FBXL18: variants seen among roughly 807,000 people sequenced by gnomAD.
FBXL18 encodes the protein F-box/LRR-repeat protein 18.
Under a neutral mutation model 46.0 loss-of-function variants are expected in FBXL18, and 36 were observed. The ratio of observed to expected loss-of-function variants is 0.78; its 90% CI spans 0.60 to 1.03. FBXL18 has a LOEUF of 1.03. Ranked by LOEUF, FBXL18 falls within the 50% of genes least tolerant of loss-of-function variation. The probability of loss-of-function intolerance (pLI) is 0.00; values close to 1 mark genes in which losing one functional copy is unlikely to be tolerated. For missense variants in FBXL18, 977 were observed against 1,004.1 expected (o/e 0.97, Z 0.36); for synonymous variants, 557 against 465.3 (o/e 1.20, Z -2.54).
At chr7:5,499,652 A>C (rs1784177120) in intron 3 of FBXL18, among the ~76,000 whole-genome samples, 1 of 150,028 alleles carries the variant, frequency 6.7e-6, no homozygotes, top group Non-Finnish European at 1.5e-5. Context: ...AATCGCTTGA[A>C]CCCAGGAGGC....
At chr7:5,499,437 C>CT (rs1784171020) in intron 3 of FBXL18, among the ~76,000 whole-genome samples, 2 of 152,258 alleles carry the variant, frequency 1.3e-5, no homozygotes, top group African/African-American at 4.8e-5. Context: ...ACCCAGAAAG[C>CT]ATCTGCCTTG....
intron 3 of FBXL18, among the ~76,000 whole-genome samples, chr7:5,494,465 TAATAA>T (rs1181062919): frequency 1.3e-4 from 20 of 152,044 alleles, no homozygotes; most frequent in African/African-American, 4.6e-4. Context: ...ATTAAATAAA[TAATAA>T]AATAAAACAT....
At position 5,505,523 on chromosome 7, in the gene FBXL18, G is replaced by GT. The variant is rs1562705637; in HGVS notation, c.125dup (p.His42GlnfsTer24). On this transcript the variant is annotated frameshift_variant, in exon 2 of 5. Transcript: ENST00000382368. LOFTEE classifies it high-confidence loss of function. ...TCAGAATCAGATCTGTGCTGGGGAC[G>GT]TGACTCAGGATGTGAAGGAGGATCT... 6.2e-7 allele frequency: 1 copy of GT among 1,614,178 alleles called. No homozygotes were observed. Among genetic ancestry groups the GT allele is most frequent in the Admixed American group, 1.7e-5 (1 of 60,008 alleles).
At chr7:5,500,396 A>G (rs1264717562) in intron 3 of FBXL18, 92 bp downstream of exon 3, 6 of 1,217,386 alleles carry the variant, frequency 4.9e-6, no homozygotes, top group Non-Finnish European at 6.9e-6. Context: ...GCACTCCTGG[A>G]GGGCAGGCCA....
intron 3 of FBXL18, among the ~76,000 whole-genome samples, chr7:5,492,060 C>A (rs1027012354): frequency 1.3e-5 from 2 of 150,406 alleles, no homozygotes; most frequent in Admixed American, 1.3e-4. Flanking sequence ...AGGAGGAGGC[C>A]GAGGGGAGTG....
rs749040715 is a variant in FBXL18 at position 5,500,965 on chromosome 7, G to A, written c.1304C>T (p.Ala435Val). ...VADSAPRADRAPAQPAMHAVP... is the reference protein window; with the variant it reads ...VADSAPRADRVPAQPAMHAVP... ...TGCGTGCATGGCCGGCTGGGCGGGC[G>A]CGCGGTCGGCGCGCGGCGCGGAGTC... The change falls in exon 3 of 5, where the codon GCG (alanine) becomes GTG (valine). Residue 435 changes from alanine to valine, a missense_variant. Coordinates refer to ENST00000382368, the MANE Select transcript of FBXL18 (RefSeq NM_024963.6). 25 of 1,533,756 alleles carry A rather than the reference G, an allele frequency of 1.6e-5. No individual in the cohort carries two copies. The highest frequency in any genetic ancestry group is 9.1e-5 in the East Asian group (4 of 43,748).
intron 4 of FBXL18, among the ~76,000 whole-genome samples, chr7:5,485,209 G>A (rs1783742549): frequency 6.6e-6 from 1 of 152,166 alleles, no homozygotes; most frequent in Non-Finnish European, 1.5e-5. Flanking sequence ...GATGTCCCTG[G>A]GTGATGTGAG....
intron 3 of FBXL18, among the ~76,000 whole-genome samples, chr7:5,494,819 C>T (rs754070752): frequency 4.6e-5 from 7 of 152,216 alleles, no homozygotes; most frequent in Non-Finnish European, 7.3e-5. Flanking sequence ...CCGTGCTACC[C>T]GCCCCAGATC....
intron 4 of FBXL18, among the ~76,000 whole-genome samples, chr7:5,463,716 A>G (rs1173316928): frequency 1.6e-5 from 1 of 61,418 alleles, no homozygotes; most frequent in East Asian, 4.0e-4. Flanking sequence ...TTATTTATTT[A>G]TTTATTTATT....
intron 1 of FBXL18, among the ~76,000 whole-genome samples, chr7:5,512,113 C>T (rs1302378124): frequency 1.4e-5 from 2 of 147,856 alleles, no homozygotes; most frequent in African/African-American, 5.0e-5. Flanking sequence ...GGCGTGGTGG[C>T]GGGCGCCCGT....
chr7:5,486,604 G>C (rs979768220), intron 4 of FBXL18, among the ~76,000 whole-genome samples: 27 of 152,064 alleles, frequency 1.8e-4, no homozygotes, highest in Admixed American at 1.7e-3. Flanking sequence ...AGTGAGCTGT[G>C]ATTGCACCAT....
chr7:5,477,354 G>A lies in FBXL18; in HGVS notation c.*4421C>T, dbSNP rs1398735396. ...CGTCTCCTCTGCCTTTGGTTTAGTG[G>A]CCCCACACTTCATCACCTCACTTTG... On this transcript the variant is annotated 3_prime_UTR_variant, in exon 5 of 5. Coordinates refer to ENST00000382368, the MANE Select transcript of FBXL18 (RefSeq NM_024963.6). The surrounding 1 kb of genome is among the most constrained non-coding windows in gnomAD (Gnocchi z 4.4). 1.3e-5 allele frequency among the ~76,000 whole-genome samples: 2 copies of A among 152,100 alleles called. No homozygotes were observed. The highest frequency in any genetic ancestry group is 2.9e-5 in the Non-Finnish European group (2 of 68,022).
chr7:5,470,063 C>T (rs971399747), intron 4 of FBXL18, among the ~76,000 whole-genome samples: 4 of 152,040 alleles, frequency 2.6e-5, no homozygotes, highest in East Asian at 3.9e-4. Context: ...CATGCGTGTG[C>T]GTGTGCCAGT....
chr7:5,509,162 C>G (rs1273690744), intron 1 of FBXL18, among the ~76,000 whole-genome samples: 1 of 148,694 alleles, frequency 6.7e-6, no homozygotes, highest in African/African-American at 2.5e-5. Context: ...CACTGCACTC[C>G]AGCCTGGGTG....
intron 1 of FBXL18, among the ~76,000 whole-genome samples, chr7:5,512,101 T>C (rs113433517): frequency 6.9e-6 from 1 of 144,182 alleles, no homozygotes; most frequent in East Asian, 2.1e-4. Context: ...AAAAATTAGC[T>C]GGGCGTGGTG....
chr7:5,501,673 A>G lies in FBXL18; in HGVS notation c.596T>C (p.Leu199Pro). 1 of 1,609,152 alleles carries G rather than the reference A, an allele frequency of 6.2e-7. No individual in the cohort carries two copies. Among genetic ancestry groups the G allele is most frequent in the Non-Finnish European group, 8.5e-7 (1 of 1,177,406 alleles). Reference sequence around the variant, plus strand: ...CGTGCGGTCCAGAATCTCGAAGTAGAGCAGCAGCTTCTCTAGGCTGGTGCA... The same window carrying G: ...CGTGCGGTCCAGAATCTCGAAGTAGGGCAGCAGCTTCTCTAGGCTGGTGCA... Reference protein sequence around the residue: ...PCCTSLEKLLLYFEILDRTRE... With the variant: ...PCCTSLEKLLPYFEILDRTRE... The change falls in exon 3 of 5, where the codon CTC (leucine) becomes CCC (proline). Residue 199 changes from leucine (L) to proline (P), a missense_variant. Physicochemically the swap from Leu to Pro is moderately conservative, Grantham distance 98 (BLOSUM62 -3). Transcript: ENST00000382368.
In FBXL18 at chr7:5,464,663, C is replaced by CAAA. The variant is rs774631633; in HGVS notation, c.2001-16823_2001-16821dup. On this transcript the variant is annotated intron_variant and NMD_transcript_variant, in intron 4 of 6. Coordinates refer to the FBXL18 transcript ENST00000415009. ...GGGCCAATGAGCAAAACTCTTATCT[C>CAAA]AAAAAAAAAAAAAAAAAAAACACTA... 8.2e-3 allele frequency among the ~76,000 whole-genome samples: 241 copies of CAAA among 29,266 alleles called. 7 individuals carry two copies. Among genetic ancestry groups the CAAA allele is most frequent in the South Asian group, 0.012 (4 of 334 alleles). 19.2% of individuals were successfully genotyped at this position (29,266 alleles called of 152,430 possible).
chr7:5,509,747 T>A (rs1784482240), intron 1 of FBXL18, among the ~76,000 whole-genome samples: 1 of 147,120 alleles, frequency 6.8e-6, no homozygotes. Flanking sequence ...GCCAGACCCC[T>A]GATGCAATTG....
chr7:5,466,192 GAA>G (rs1024389471), intron 4 of FBXL18, among the ~76,000 whole-genome samples: 1 of 144,890 alleles, frequency 6.9e-6, no homozygotes, highest in Non-Finnish European at 1.5e-5. Context: ...GAAAAGAAAA[GAA>G]AAAAAAAAGA....
Sources: allele counts gnomAD v4.1 joint callset (sites outside exome capture counted in the v4.1 genomes callset), GRCh38; gene constraint gnomAD v4.1.1; non-coding constraint Gnocchi (gnomAD v3.1); transcripts MANE v1.5; gene names NCBI Gene and HGNC (gene_info 2026-07-23, HGNC 2026-07-21).